SYMPK: variants seen among roughly 807,000 people sequenced by gnomAD.
The protein encoded by SYMPK is symplekin.
Under a neutral mutation model 136.4 loss-of-function variants are expected in SYMPK, and 49 were observed. The ratio of observed to expected loss-of-function variants is 0.36; its 90% CI spans 0.29 to 0.46. The LOEUF is 0.46. Ranked by LOEUF, SYMPK falls within the 20% of genes least tolerant of loss-of-function variation. The probability of loss-of-function intolerance (pLI) is 1.00; values close to 1 mark genes in which losing one functional copy is unlikely to be tolerated. For missense variants in SYMPK, 1,365 were observed against 1,690.0 expected (o/e 0.81, Z 3.37); for synonymous variants, 766 against 713.0 (o/e 1.07, Z -1.19).
At position 45,815,485 on chromosome 19, in the gene SYMPK, G is replaced by A. The variant is rs1441696519; in HGVS notation, c.*75C>T. 3 of 1,217,156 alleles carry A rather than the reference G, an allele frequency of 2.5e-6. No homozygotes were observed. The highest frequency in any genetic ancestry group is 1.6e-5 in the South Asian group (1 of 62,094). 75.4% of individuals were successfully genotyped at this position (1,217,156 alleles called of 1,614,324 possible). On this transcript the variant is annotated 3_prime_UTR_variant, in exon 27 of 27. Coordinates refer to ENST00000245934, the MANE Select transcript of SYMPK (RefSeq NM_004819.3). ...ATCTTTTATTTCTTTTTAAGGCAAA[G>A]CACCCGCAGGTCAAGCCCCGCCCCG...
chr19:45,830,211 G>C lies in SYMPK; in HGVS notation c.1599-7C>G. ...CCCACCAGCGCCTGCCAGCCTGTGT[G>C]GAAGAGCAGTGACAGAGATGCAGTG... is the stretch of plus-strand genomic sequence containing the variant. On this transcript the variant is annotated splice_region_variant and splice_polypyrimidine_tract_variant and intron_variant, in intron 12 of 26. Transcript: ENST00000245934. The C allele has an allele frequency of 6.2e-7, 1 of 1,608,428 alleles. No individual in the cohort carries two copies. The highest frequency in any genetic ancestry group is 2.2e-5 in the East Asian group (1 of 44,678).
intron 23 of SYMPK, 49 bp from the exon 24 acceptor site, chr19:45,817,023 C>A: frequency 6.5e-7 from 1 of 1,528,418 alleles, no homozygotes; most frequent in Non-Finnish European, 8.8e-7. Context: ...CAGGCATCCC[C>A]CCGAGCCTTG....
chr19:45,843,259 G>A (rs570864218), intron 8 of SYMPK, among the ~76,000 whole-genome samples: 132 of 152,282 alleles, frequency 8.7e-4, no homozygotes, highest in African/African-American at 3.0e-3. Context: ...CCTAAGGAAA[G>A]GGCCAGAGAG....
intron 1 of SYMPK, among the ~76,000 whole-genome samples, chr19:45,859,955 A>C (rs951006922): frequency 0.28 from 19,127 of 68,446 alleles, 1,609 homozygotes; most frequent in Non-Finnish European, 0.34. Context: ...ACTCCATCTA[A>C]AAAAAAAAAA....
chr19:45,859,186 G>A (rs1403428394), intron 1 of SYMPK, among the ~76,000 whole-genome samples: 2 of 151,902 alleles, frequency 1.3e-5, no homozygotes, highest in Non-Finnish European at 2.9e-5. Flanking sequence ...ACTGCCAAAC[G>A]GCCTCCCCAA....
At chr19:45,852,219 G>T in intron 5 of SYMPK, 93 bp downstream of exon 5, 1 of 1,273,166 alleles carries the variant, frequency 7.9e-7, no homozygotes, top group Non-Finnish European at 1.1e-6. Flanking sequence ...GAAGCAGAGG[G>T]CAGGCCTCTC....
chr19:45,844,924 A>G (rs1568621566), intron 7 of SYMPK, among the ~76,000 whole-genome samples: 1 of 152,208 alleles, frequency 6.6e-6, no homozygotes, highest in Admixed American at 6.5e-5. Context: ...GTAGGTGTAA[A>G]TAATTATGGG....
At chr19:45,817,159 C>T (rs1970763641) in intron 23 of SYMPK, 185 bp from the exon 24 acceptor site, 2 of 581,286 alleles carry the variant, frequency 3.4e-6, no homozygotes, top group Non-Finnish European at 5.8e-6. Context: ...GGCGGCTGGA[C>T]CACGAGGGCA....
At chr19:45,822,987 C>T (rs1970943273) in intron 20 of SYMPK, 141 bp from the exon 21 acceptor site, 3 of 699,136 alleles carry the variant, frequency 4.3e-6, no homozygotes, top group Middle Eastern at 3.4e-4. Flanking sequence ...TCACCACACC[C>T]TCAGGGCGGA....
chr19:45,824,509 A>G (rs1436626064), intron 18 of SYMPK, among the ~76,000 whole-genome samples: 1 of 152,118 alleles, frequency 6.6e-6, no homozygotes, highest in Non-Finnish European at 1.5e-5. Flanking sequence ...TGTTATCCCC[A>G]TTTTCCAGGT....
At chr19:45,833,090 C>T (rs1971223331) in intron 11 of SYMPK, among the ~76,000 whole-genome samples, 1 of 150,672 alleles carries the variant, frequency 6.6e-6, no homozygotes, top group Admixed American at 6.6e-5. Context: ...GTAATCTCAA[C>T]TACTCGGGAG....
chr19:45,835,225 G>C lies in SYMPK; in HGVS notation c.1246C>G (p.Leu416Val), dbSNP rs765562535. The C allele has an allele frequency of 6.3e-7, 1 of 1,585,060 alleles. No homozygotes were observed. The highest frequency in any genetic ancestry group is 8.6e-7 in the Non-Finnish European group (1 of 1,166,642). ...LTPDNVANLV[L>V]ISMVYLPEAM... ...TCGGGTAGGTACACCATGCTGATGAGGACCTGTGGGATGCCCAGGAAGAGA... is the reference window on the plus strand; with the variant it reads ...TCGGGTAGGTACACCATGCTGATGACGACCTGTGGGATGCCCAGGAAGAGA... Residue 416 changes from leucine (L) to valine (V), a missense_variant, in exon 11 of 27, where the codon CTC (leucine) becomes GTC (valine). Leu to Val is a conservative substitution (Grantham distance 32). Coordinates refer to ENST00000245934, the MANE Select transcript of SYMPK (RefSeq NM_004819.3).
At chr19:45,854,640 C>G (rs1245386504) in intron 1 of SYMPK, 133 bp from the exon 2 acceptor site, 5 of 684,764 alleles carry the variant, frequency 7.3e-6, no homozygotes, top group Non-Finnish European at 7.7e-6. Flanking sequence ...CAGGCCTTCT[C>G]AAGTCCCTCT....
Position 45,830,217 on chromosome 19 carries a change from G to A in SYMPK, c.1599-13C>T, listed in dbSNP as rs780449186. The stretch of plus-strand genomic sequence containing the variant: ...AGCGCCTGCCAGCCTGTGTGGAAGA[G>A]CAGTGACAGAGATGCAGTGACCCAG... On this transcript the variant is annotated splice_polypyrimidine_tract_variant and intron_variant, in intron 12 of 26. Coordinates refer to ENST00000245934, the MANE Select transcript of SYMPK (RefSeq NM_004819.3). 37 of 1,607,138 alleles carry A rather than the reference G, an allele frequency of 2.3e-5. No homozygotes were observed. The highest frequency in any genetic ancestry group is 3.1e-5 in the Non-Finnish European group (36 of 1,175,740).
chr19:45,838,000 G>C (rs1971343848), intron 10 of SYMPK, among the ~76,000 whole-genome samples: 1 of 152,082 alleles, frequency 6.6e-6, no homozygotes, highest in Admixed American at 6.5e-5. Context: ...ATGTAGTCTG[G>C]ATATTTGTTC....
intron 17 of SYMPK, 131 bp from the exon 18 acceptor site, chr19:45,825,462 T>C (rs745489446): frequency 2.6e-6 from 3 of 1,166,174 alleles, no homozygotes; most frequent in Non-Finnish European, 3.5e-6. Context: ...GGGAGCTAAT[T>C]GTTCTAGGGC....
intron 4 of SYMPK, 29 bp from the exon 5 acceptor site, chr19:45,852,414 G>A (rs1170145912): frequency 1.2e-6 from 2 of 1,613,872 alleles, no homozygotes; most frequent in Non-Finnish European, 1.7e-6. Context: ...AAGTGGATCA[G>A]GGCTACACAA....
At position 45,818,113 on chromosome 19, in the gene SYMPK, T is replaced by C; in HGVS notation, c.2927A>G (p.Tyr976Cys). 6.4e-7 allele frequency: 1 copy of C among 1,554,564 alleles called. No individual in the cohort carries two copies. Among genetic ancestry groups the C allele is most frequent in the Non-Finnish European group, 8.7e-7 (1 of 1,148,840 alleles). ...CACCACGGCCAGCACCTCTGACGTG[T>C]ACACGTTCCGCTCCGCAAAGCACAG... ...TNLCFAERNV[Y>C]TSEVLAVVMQ... Residue 976 changes from tyrosine (Y) to cysteine (C), a missense_variant, in exon 23 of 27, where the codon TAC becomes TGC. Tyr to Cys is a radical substitution (Grantham distance 194, BLOSUM62 -2). Coordinates refer to ENST00000245934, the MANE Select transcript of SYMPK (RefSeq NM_004819.3).
chr19:45,834,501 T>G (rs1971258096), intron 11 of SYMPK, among the ~76,000 whole-genome samples: 1 of 148,214 alleles, frequency 6.7e-6, no homozygotes, highest in Admixed American at 6.8e-5. Flanking sequence ...TATAATTACC[T>G]TTGAGCTATG....
Sources: allele counts gnomAD v4.1 joint callset (sites outside exome capture counted in the v4.1 genomes callset), GRCh38; gene constraint gnomAD v4.1.1; transcripts MANE v1.5; gene names NCBI Gene and HGNC (gene_info 2026-07-23, HGNC 2026-07-21).